The following RNASE4 variants were observed in gnomAD, a reference collection of about 807,000 sequenced individuals.
The protein encoded by RNASE4 is ribonuclease A family member 4.
For synonymous variants in RNASE4, 93 were observed against 71.4 expected (o/e 1.30, Z -1.52); for missense variants, 194 against 192.8 (o/e 1.01, Z -0.04).
At chr14:20,690,321 G>A (rs1057220538) in intron 1 of RNASE4, among the ~76,000 whole-genome samples, 5 of 151,766 alleles carry the variant, frequency 3.3e-5, no homozygotes, top group Non-Finnish European at 5.9e-5. Flanking sequence ...AGACAGTTAC[G>A]TGTTTGGGTA....
At chr14:20,688,481 C>T (rs1181442526) in intron 1 of RNASE4, among the ~76,000 whole-genome samples, 4 of 152,104 alleles carry the variant, frequency 2.6e-5, no homozygotes, top group African/African-American at 9.7e-5. Context: ...CTTATGGATC[C>T]AGACTATTAT....
intron 1 of RNASE4, among the ~76,000 whole-genome samples, chr14:20,688,376 C>A (rs955445335): frequency 6.6e-6 from 1 of 152,172 alleles, no homozygotes; most frequent in African/African-American, 2.4e-5. Context: ...ATAAATAGTA[C>A]AGTGGAAAAG....
At position 20,699,844 on chromosome 14, in the gene RNASE4, G is replaced by A. The variant is rs1887237116; in HGVS notation, c.*29G>A. Reference sequence around the variant, plus strand: ...CCACCATGTAGGGATTATCGCGAGTGGTTGACCTTACACTTACTCCTTAAA... The same window carrying A: ...CCACCATGTAGGGATTATCGCGAGTAGTTGACCTTACACTTACTCCTTAAA... On this transcript the variant is annotated 3_prime_UTR_variant, in exon 2 of 2. Transcript: ENST00000555835. The A allele has an allele frequency of 1.3e-6, 2 of 1,597,488 alleles. No individual in the cohort carries two copies. The highest frequency in any genetic ancestry group is 8.6e-7 in the Non-Finnish European group (1 of 1,168,148).
At chr14:20,689,169 C>G (rs1036172040) in intron 1 of RNASE4, among the ~76,000 whole-genome samples, 1 of 152,158 alleles carries the variant, frequency 6.6e-6, no homozygotes, top group East Asian at 1.9e-4. Context: ...AGTCCTCCCC[C>G]GTCGTCCACC....
At chr14:20,693,133 C>T (rs1033521793) in intron 1 of RNASE4, among the ~76,000 whole-genome samples, 1 of 152,254 alleles carries the variant, frequency 6.6e-6, no homozygotes, top group African/African-American at 2.4e-5. Context: ...AGGCGTGAGC[C>T]ACCGCGCCCG....
In RNASE4 at chr14:20,699,754, C is replaced by G; in HGVS notation, c.383C>G (p.Thr128Ser). The change falls in exon 2 of 2, where the codon ACT becomes AGT. Residue 128 changes from threonine to serine, a missense_variant. Physicochemically the swap from Thr to Ser is moderately conservative, Grantham distance 58. Coordinates refer to ENST00000555835, the MANE Select transcript of RNASE4 (RefSeq NM_002937.5). Reference sequence around the variant, plus strand: ...TGCAGATATCGGGCCATAGCGAGCACTAGACGTGTTGTCATTGCCTGTGAG... The same window carrying G: ...TGCAGATATCGGGCCATAGCGAGCAGTAGACGTGTTGTCATTGCCTGTGAG... ...PNCRYRAIAS[T>S]RRVVIACEGN... is the part of the protein sequence containing the mutation. The G allele has an allele frequency of 3.1e-6, 5 of 1,611,936 alleles. No individual in the cohort carries two copies. The South Asian group carries it at 5.5e-5, about 18-fold the overall frequency.
intron 1 of RNASE4, among the ~76,000 whole-genome samples, chr14:20,697,417 C>T (rs1887129428): frequency 6.6e-6 from 1 of 152,212 alleles, no homozygotes; most frequent in African/African-American, 2.4e-5. Context: ...AACCTCTTTA[C>T]TTCCCTCTCT....
intron 1 of RNASE4, among the ~76,000 whole-genome samples, chr14:20,693,157 A>G (rs1886888630): frequency 6.6e-6 from 1 of 152,148 alleles, no homozygotes; most frequent in Admixed American, 6.5e-5. Context: ...GTCATTTGGT[A>G]TGTCTTAATG....
At chr14:20,691,787 A>G (rs997832739) in intron 1 of RNASE4, among the ~76,000 whole-genome samples, 3 of 152,244 alleles carry the variant, frequency 2.0e-5, no homozygotes, top group African/African-American at 7.2e-5. Context: ...TATAATTTGT[A>G]ATGGAATCAA....
chr14:20,689,329 A>T (rs1369504514), intron 1 of RNASE4, among the ~76,000 whole-genome samples: 1 of 152,234 alleles, frequency 6.6e-6, no homozygotes, highest in East Asian at 1.9e-4. Context: ...AGATCAAAAG[A>T]AGGCTCACTG....
chr14:20,688,695 G>A (rs1367351050), intron 1 of RNASE4: 10 of 985,244 alleles, frequency 1.0e-5, no homozygotes, highest in African/African-American at 1.7e-5. Flanking sequence ...CAAGAGCAGT[G>A]TCCTTGGTTT....
intron 1 of RNASE4, chr14:20,688,772 C>T (rs554154902): frequency 1.0e-6 from 1 of 985,352 alleles, no homozygotes; most frequent in East Asian, 1.1e-4. Flanking sequence ...CTGGAGAGGC[C>T]TCCAGGTTCA....
At chr14:20,685,040 A>C (rs2138995053) in intron 1 of RNASE4, among the ~76,000 whole-genome samples, 1 of 152,250 alleles carries the variant, frequency 6.6e-6, no homozygotes, top group South Asian at 2.1e-4. Context: ...GCCGAACCTA[A>C]GGGAAGCCCT....
intron 1 of RNASE4, chr14:20,688,970 C>G: frequency 4.9e-6 from 3 of 606,524 alleles, no homozygotes; most frequent in Non-Finnish European, 6.2e-6. Flanking sequence ...CAGGCTCAAG[C>G]TCATGAATTA....
At chr14:20,696,650 A>C (rs1245433063) in intron 1 of RNASE4, among the ~76,000 whole-genome samples, 3 of 152,166 alleles carry the variant, frequency 2.0e-5, no homozygotes, top group African/African-American at 7.2e-5. Context: ...AAGAGGAGTC[A>C]ATAATATATG....
chr14:20,699,680 A>G lies in RNASE4; in HGVS notation c.309A>G (p.Val103=), dbSNP rs951213767. The change falls in exon 2 of 2, where the codon GTA becomes GTG. Residue 103 remains valine (V), a synonymous_variant. Transcript: ENST00000555835. ...GCAAGATGAACTGCCATGAGGGTGT[A>G]GTGAAGGTCACAGATTGCAGGGACA... is the stretch of plus-strand genomic sequence containing the variant. ...KNGKMNCHEG[V]VKVTDCRDTG... The G allele has an allele frequency of 1.9e-6, 3 of 1,610,470 alleles. No homozygotes were observed. The highest frequency in any genetic ancestry group is 2.7e-5 in the African/African-American group (2 of 74,942).
In RNASE4 at chr14:20,694,059, C is replaced by T. The variant is rs773360024; in HGVS notation, c.-17-5296C>T. The stretch of plus-strand genomic sequence containing the variant: ...GCTCTGCTGTCCTTGCCTTCCATTT[C>T]CCCTCTGCACCCAGAACAGTGGTGG... On this transcript the variant is annotated intron_variant, in intron 1 of 1. Transcript: ENST00000555835. 2.5e-6 allele frequency: 4 copies of T among 1,599,412 alleles called. No individual in the cohort carries two copies. The South Asian group carries it at 3.3e-5, about 13-fold the overall frequency.
intron 1 of RNASE4, chr14:20,693,858 T>A: frequency 6.2e-7 from 1 of 1,614,200 alleles, no homozygotes. Flanking sequence ...TAAGCAAGTC[T>A]TCTTTCCAGG....
intron 1 of RNASE4, chr14:20,694,295 TC>T: frequency 2.6e-6 from 1 of 381,422 alleles, no homozygotes. Context: ...TCTTTTCTTT[TC>T]GTTTTTTTTT....
Sources: allele counts gnomAD v4.1 joint callset (sites outside exome capture counted in the v4.1 genomes callset), GRCh38; gene constraint gnomAD v4.1.1; transcripts MANE v1.5; gene names NCBI Gene and HGNC (gene_info 2026-07-23, HGNC 2026-07-21).